Variants in TMEM182 observed in about 807,000 individuals in gnomAD.
The protein encoded by TMEM182 is transmembrane protein 182.
TMEM182 carries 20 observed loss-of-function variants against 26.8 expected under a neutral mutation model. The observed-to-expected ratio is 0.75, with a 90% confidence interval of 0.53 to 1.09. TMEM182 has a LOEUF of 1.09. Among genes scored for constraint, TMEM182 ranks in the 50% least tolerant of loss-of-function variants. The pLI, the probability that TMEM182 is intolerant of heterozygous loss-of-function variation, is 0.00. For missense variants in TMEM182, 277 were observed against 275.5 expected, an observed-to-expected ratio of 1.01 and a Z score of -0.04; for synonymous variants, 109 against 102.2, an observed-to-expected ratio of 1.07 and a Z score of -0.40.
chr2:102,830,905 A>C (rs780197333), intron 3 of TMEM182, among the ~76,000 whole-genome samples: 4 of 152,114 alleles, frequency 2.6e-5, no homozygotes, highest in African/African-American at 9.7e-5. Flanking sequence ...CTCTATGTCC[A>C]TGAGTTCAAC....
chr2:102,760,707 C>T (rs1261202514), upstream of TMEM182, among the ~76,000 whole-genome samples: 1 of 152,020 alleles, frequency 6.6e-6, no homozygotes, highest in African/African-American at 2.4e-5. Context: ...CTCAACCTCC[C>T]GGGTTCAAGC....
At chr2:102,789,358 A>T (rs1681537960) in intron 3 of TMEM182, among the ~76,000 whole-genome samples, 1 of 152,236 alleles carries the variant, frequency 6.6e-6, no homozygotes, top group Admixed American at 6.5e-5. Context: ...TGGAATTGTG[A>T]TCATTTGGGT....
intron 3 of TMEM182, among the ~76,000 whole-genome samples, chr2:102,782,065 G>A (rs1211756501): frequency 6.6e-6 from 1 of 152,084 alleles, no homozygotes; most frequent in African/African-American, 2.4e-5. Context: ...CAACACTTTG[G>A]GAGGCCGAGG....
intron 3 of TMEM182, among the ~76,000 whole-genome samples, chr2:102,841,489 A>T (rs1683349417): frequency 6.6e-6 from 1 of 152,200 alleles, no homozygotes; most frequent in African/African-American, 2.4e-5. Context: ...GTGCTTTGGC[A>T]AGCCGAGCCC....
In TMEM182 at chr2:102,815,350, C is replaced by T. The variant is rs1682705809; in HGVS notation, c.*382C>T. On this transcript the variant is annotated 3_prime_UTR_variant, in exon 5 of 5. Transcript: ENST00000412401. ...TTCACTTCTGCTAATTAAAAAAAATCCTTGAAGAATAATTAAGAATGGGCA... is the reference window on the plus strand; with the variant it reads ...TTCACTTCTGCTAATTAAAAAAAATTCTTGAAGAATAATTAAGAATGGGCA... The T allele has an allele frequency of 1.0e-6, 1 of 995,888 alleles. No homozygotes were observed. Among genetic ancestry groups the T allele is most frequent in the African/African-American group, 1.7e-5 (1 of 57,410 alleles). The allele number at this position is 995,888 out of a possible 1,614,324, so 61.7% of individuals were successfully genotyped here. A position where few individuals can be genotyped will look rare whatever the true frequency, so the allele number is the denominator to read the frequency against.
chr2:102,811,459 T>C (rs1470016224), intron 4 of TMEM182, among the ~76,000 whole-genome samples: 2 of 152,234 alleles, frequency 1.3e-5, no homozygotes, highest in African/African-American at 2.4e-5. Context: ...GAAGAGATTT[T>C]GAACTTATGT....
At chr2:102,748,674 A>G (rs1679786354) in intron 1 of TMEM182, among the ~76,000 whole-genome samples, 1 of 152,230 alleles carries the variant, frequency 6.6e-6, no homozygotes, top group South Asian at 2.1e-4. Context: ...AGAAAGAAGC[A>G]TTACAAGTGT....
intron 1 of TMEM182, among the ~76,000 whole-genome samples, chr2:102,748,356 A>C (rs999886139): frequency 1.3e-5 from 2 of 152,140 alleles, no homozygotes; most frequent in African/African-American, 2.4e-5. Flanking sequence ...CATTGGTCCT[A>C]CTGCTCCTAA....
intron 3 of TMEM182, among the ~76,000 whole-genome samples, chr2:102,838,885 G>A (rs1683298388): frequency 6.6e-6 from 1 of 152,142 alleles, no homozygotes; most frequent in Non-Finnish European, 1.5e-5. Flanking sequence ...CTGTCGCTGT[G>A]AAAAATAAAG....
At chr2:102,828,718 C>T (rs972615994) in intron 3 of TMEM182, among the ~76,000 whole-genome samples, 1 of 152,156 alleles carries the variant, frequency 6.6e-6, no homozygotes, top group Non-Finnish European at 1.5e-5. Flanking sequence ...TAGGCTACCC[C>T]ACAATAGGAG....
chr2:102,776,359 A>T (rs1383509542), intron 3 of TMEM182, among the ~76,000 whole-genome samples: 2 of 152,106 alleles, frequency 1.3e-5, no homozygotes, highest in Non-Finnish European at 2.9e-5. Flanking sequence ...GCAACCACTG[A>T]TCTTTTTGCT....
At chr2:102,809,481 A>G (rs1682471120) in intron 4 of TMEM182, among the ~76,000 whole-genome samples, 1 of 152,190 alleles carries the variant, frequency 6.6e-6, no homozygotes, top group African/African-American at 2.4e-5. Flanking sequence ...CACAAATGTG[A>G]CCTGCTGCCT....
At chr2:102,805,635 TA>T (rs774244122) in intron 4 of TMEM182, among the ~76,000 whole-genome samples, 4 of 152,116 alleles carry the variant, frequency 2.6e-5, no homozygotes, top group Non-Finnish European at 5.9e-5. Flanking sequence ...GCTGTTCTTC[TA>T]AGAAGTAAAA....
chr2:102,829,931 G>A (rs960383929), intron 3 of TMEM182, among the ~76,000 whole-genome samples: 2 of 152,158 alleles, frequency 1.3e-5, no homozygotes, highest in Non-Finnish European at 2.9e-5. Context: ...GAAAATTTAG[G>A]AGCAGTTTTC....
At chr2:102,836,241 G>A (rs960261618) in intron 3 of TMEM182, among the ~76,000 whole-genome samples, 3 of 152,004 alleles carry the variant, frequency 2.0e-5, no homozygotes, top group Non-Finnish European at 4.4e-5. Context: ...AACTTATTTG[G>A]GTAAATACAA....
chr2:102,826,028 C>T (rs1182602906), intron 3 of TMEM182, among the ~76,000 whole-genome samples: 1 of 151,784 alleles, frequency 6.6e-6, no homozygotes, highest in Non-Finnish European at 1.5e-5. Context: ...CATGAATTAA[C>T]AACTGAATTG....
At chr2:102,742,682 C>T (rs1420661873) in intron 1 of TMEM182, among the ~76,000 whole-genome samples, 5 of 152,006 alleles carry the variant, frequency 3.3e-5, no homozygotes, top group Non-Finnish European at 7.4e-5. Flanking sequence ...CCAGAGAATA[C>T]AAACATCTTA....
At chr2:102,836,391 G>A (rs1338489816) in intron 3 of TMEM182, among the ~76,000 whole-genome samples, 1 of 152,104 alleles carries the variant, frequency 6.6e-6, no homozygotes, top group African/African-American at 2.4e-5. Flanking sequence ...ATCCTCACTG[G>A]CATTTAATGC....
upstream of TMEM182, among the ~76,000 whole-genome samples, chr2:102,758,985 T>G (rs1680128511): frequency 6.6e-6 from 1 of 152,168 alleles, no homozygotes; most frequent in African/African-American, 2.4e-5. Flanking sequence ...TCTAGCTACA[T>G]TTTTATGGTG....
Sources: allele counts gnomAD v4.1 joint callset (sites outside exome capture counted in the v4.1 genomes callset), GRCh38; gene constraint gnomAD v4.1.1; transcripts MANE v1.5; gene names NCBI Gene and HGNC (gene_info 2026-07-23, HGNC 2026-07-21).